SLIT3: variants seen among roughly 807,000 people sequenced by gnomAD.
The protein encoded by SLIT3 is slit homolog 3 protein.
SLIT3 carries 68 observed loss-of-function variants against 184.0 expected under a neutral mutation model. The observed-to-expected ratio is 0.37, with a 90% CI of 0.30 to 0.45. The LOEUF is 0.45. SLIT3 is among the 20% of genes least tolerant of loss of function. The pLI is 1.00. For missense variants in SLIT3, 1,707 were observed against 2,026.0 expected (o/e 0.84, Z 3.02); for synonymous variants, 831 against 828.6 (o/e 1.00, Z -0.05).
intron 20 of SLIT3, among the ~76,000 whole-genome samples, chr5:168,746,976 GT>G (rs1754488995): frequency 2.1e-5 from 3 of 146,236 alleles, no homozygotes; most frequent in African/African-American, 7.6e-5. Flanking sequence ...TGTGTGGTGT[GT>G]GGTGGTGTGG....
intron 4 of SLIT3, among the ~76,000 whole-genome samples, chr5:168,973,026 T>G (rs191614795): frequency 1.5e-3 from 224 of 152,332 alleles, no homozygotes; most frequent in African/African-American, 5.1e-3. Context: ...TTTCCTTAGA[T>G]GACCTCTGAA....
At chr5:168,904,676 A>G (rs990833865) in intron 4 of SLIT3, among the ~76,000 whole-genome samples, 1 of 152,292 alleles carries the variant, frequency 6.6e-6, no homozygotes, top group East Asian at 1.9e-4. Flanking sequence ...GTGAACTGCT[A>G]TGGAGATCAT....
chr5:168,755,513 C>T (rs1377941837), intron 16 of SLIT3, among the ~76,000 whole-genome samples: 2 of 151,360 alleles, frequency 1.3e-5, no homozygotes, highest in Non-Finnish European at 2.9e-5. Context: ...TGGCTCACTG[C>T]AGCCTCTGCC....
chr5:169,286,199 C>T (rs1028191830), intron 1 of SLIT3, among the ~76,000 whole-genome samples: 30 of 150,480 alleles, frequency 2.0e-4, no homozygotes, highest in African/African-American at 6.6e-4. Flanking sequence ...AGCATCAAAG[C>T]ATCAATAATC....
At chr5:168,776,241 T>A (rs1561926578) in intron 12 of SLIT3, among the ~76,000 whole-genome samples, 1 of 151,974 alleles carries the variant, frequency 6.6e-6, no homozygotes, top group African/African-American at 2.4e-5. Context: ...GGCCTCATAC[T>A]CCCCACGGTC....
intron 3 of SLIT3, among the ~76,000 whole-genome samples, chr5:169,217,062 C>A (rs1164353513): frequency 6.6e-6 from 1 of 150,716 alleles, no homozygotes; most frequent in Non-Finnish European, 1.5e-5. Flanking sequence ...CATATTTATT[C>A]CTCACTAAAA....
intron 3 of SLIT3, among the ~76,000 whole-genome samples, chr5:169,233,143 A>G (rs1765065332): frequency 6.6e-6 from 1 of 152,084 alleles, no homozygotes; most frequent in East Asian, 1.9e-4. Flanking sequence ...CTCCTGCCTC[A>G]GCCTCCCGAG....
At chr5:168,798,239 T>TTTTTTTTTTTTTTG (rs71310053) in intron 9 of SLIT3, among the ~76,000 whole-genome samples, 1 of 148,064 alleles carries the variant, frequency 6.8e-6, no homozygotes, top group African/African-American at 2.5e-5. Flanking sequence ...TTTTTTTTTT[T>TTTTTTTTTTTTTTG]AAGAGACAGA....
rs140487910 is a variant in SLIT3 at position 169,201,079 on chromosome 5, C to T, written c.342-7529G>A. ...TTCCTTATAGTAAGTGTGGACCAAC[C>T]CACAATTTATTTTGATGGCTTAGCT... On this transcript the variant is annotated intron_variant, in intron 3 of 35. Transcript: ENST00000519560. Among the ~76,000 whole-genome samples the T allele has an allele frequency of 2.6e-5, 4 of 152,230 alleles. No individual in the cohort carries two copies. In the East Asian group the frequency reaches 7.7e-4, roughly 29 times the overall value.
chr5:168,830,997 C>T (rs560026381), intron 6 of SLIT3, among the ~76,000 whole-genome samples: 1 of 152,034 alleles, frequency 6.6e-6, no homozygotes, highest in Admixed American at 6.5e-5. Flanking sequence ...ACTAGACAGC[C>T]CTCCTCCTGT....
At chr5:169,197,188 T>A (rs934064729) in intron 3 of SLIT3, among the ~76,000 whole-genome samples, 1 of 152,156 alleles carries the variant, frequency 6.6e-6, no homozygotes, top group Non-Finnish European at 1.5e-5. Flanking sequence ...TAGCCAATTG[T>A]GTGCTGCCCA....
chr5:169,036,461 C>A (rs1757253859), intron 4 of SLIT3: 1 of 152,164 alleles, frequency 6.6e-6, no homozygotes. Flanking sequence ...GAATAAGGGG[C>A]ATGAAATCGG....
chr5:169,149,450 A>G (rs1324133341), intron 4 of SLIT3, among the ~76,000 whole-genome samples: 1 of 151,658 alleles, frequency 6.6e-6, no homozygotes, highest in Non-Finnish European at 1.5e-5. Flanking sequence ...GGGCTCTGCA[A>G]TGATTGACTT....
intron 4 of SLIT3, among the ~76,000 whole-genome samples, chr5:169,051,411 G>A (rs1369940857): frequency 2.0e-5 from 3 of 151,726 alleles, no homozygotes; most frequent in East Asian, 2.0e-4. Flanking sequence ...CTCCAAGAAG[G>A]AAATGAATTC....
At chr5:168,913,741 C>CAA (rs67241643) in intron 4 of SLIT3, among the ~76,000 whole-genome samples, 4,134 of 130,698 alleles carry the variant, frequency 0.032, 142 homozygotes, top group African/African-American at 0.064. Flanking sequence ...AACTCCGTCT[C>CAA]AAAAAAAAAA....
In SLIT3 at chr5:169,043,406, T is replaced by C. The variant is rs188540609; in HGVS notation, c.413+150073A>G. 5.3e-5 allele frequency among the ~76,000 whole-genome samples: 8 copies of C among 152,346 alleles called. No individual in the cohort carries two copies. In the East Asian group the frequency reaches 1.5e-3, roughly 29 times the overall value. On this transcript the variant is annotated intron_variant, in intron 4 of 35. Transcript: ENST00000519560. Reference sequence around the variant, plus strand: ...CATAATGAGTTGGTAGTTTCACTGTTTGATGCAGATCCTTCAGGACTTCCT... The same window carrying C: ...CATAATGAGTTGGTAGTTTCACTGTCTGATGCAGATCCTTCAGGACTTCCT...
intron 3 of SLIT3, among the ~76,000 whole-genome samples, chr5:169,199,924 A>C (rs950672263): frequency 4.6e-5 from 7 of 152,200 alleles, no homozygotes. Flanking sequence ...GGCCTGCTGA[A>C]TTTCATGAAT....
chr5:168,820,249 C>T (rs1757479722), intron 7 of SLIT3, among the ~76,000 whole-genome samples: 1 of 152,154 alleles, frequency 6.6e-6, no homozygotes, highest in Non-Finnish European at 1.5e-5. Flanking sequence ...CTGGGCTGTG[C>T]AGAGGCTCTT....
At chr5:168,851,290 T>C (rs185558230) in intron 5 of SLIT3, among the ~76,000 whole-genome samples, 1 of 140,978 alleles carries the variant, frequency 7.1e-6, no homozygotes, top group East Asian at 2.1e-4. Flanking sequence ...ACAACTGCAC[T>C]CGAGCCTGGG....
Sources: gnomAD v4.1 joint callset for allele counts (sites outside exome capture counted in the v4.1 genomes callset) on GRCh38, gnomAD v4.1.1 for gene constraint, MANE v1.5 for transcripts, NCBI Gene and HGNC (gene_info 2026-07-23, HGNC 2026-07-21) for gene names.